OR4M1: variants seen among roughly 807,000 people sequenced by gnomAD.
The protein encoded by OR4M1 is olfactory receptor 4M1.
In OR4M1, 7 loss-of-function variants were observed where a neutral mutation model predicts 9.8. That is an observed-to-expected ratio of 0.71 (90% CI 0.41 to 1.34). OR4M1 has a LOEUF of 1.34. OR4M1 is among the 40% of genes most tolerant of loss of function. The pLI is 0.01. For missense variants in OR4M1, 331 were observed against 380.4 expected (o/e 0.87, Z 1.08); for synonymous variants, 121 against 139.8 (o/e 0.87, Z 0.95).
rs1878446868 is a variant in OR4M1, at chr14:19,780,541, C to T, written c.219C>T (p.Tyr73=). 6.2e-7 allele frequency: 1 copy of T among 1,614,222 alleles called. No homozygotes were observed. The highest frequency in any genetic ancestry group is 8.5e-7 in the Non-Finnish European group (1 of 1,180,016). The part of the protein sequence containing the change: ...LANLALLDIW[Y]SSITAPKMLI... ...ATCTGGCCCTCCTTGATATTTGGTACTCTTCCATTACAGCCCCTAAAATGC... is the reference window on the plus strand; with the variant it reads ...ATCTGGCCCTCCTTGATATTTGGTATTCTTCCATTACAGCCCCTAAAATGC... The change falls in exon 2 of 2, where the codon TAC becomes TAT. Residue 73 remains tyrosine (Y), a synonymous_variant. Transcript: ENST00000641200.
chr14:19,776,174 T>G (rs1432972203), intron 1 of OR4M1, among the ~76,000 whole-genome samples: 4 of 152,236 alleles, frequency 2.6e-5, no homozygotes, highest in Non-Finnish European at 4.4e-5. Context: ...TCACTGTTTC[T>G]CCCTATTGCT....
chr14:19,780,851 T>C lies in OR4M1; in HGVS notation c.529T>C (p.Tyr177His). The C allele has an allele frequency of 6.2e-7, 1 of 1,614,242 alleles. No individual in the cohort carries two copies. The highest frequency in any genetic ancestry group is 8.5e-7 in the Non-Finnish European group (1 of 1,180,042). Residue 177 changes from tyrosine to histidine, a missense_variant, in exon 2 of 2, where the codon TAC (tyrosine) becomes CAC (histidine). Tyr to His is a moderately conservative substitution (Grantham distance 83, BLOSUM62 2). Transcript: ENST00000641200. ...CTGTGGGCCCAATGAGTTAGACAGT[T>C]ACTTCTGTGACATCACACAGGTTGT... ...PFCGPNELDS[Y>H]FCDITQVVRI...
intron 1 of OR4M1, among the ~76,000 whole-genome samples, chr14:19,779,491 A>C (rs1324175557): frequency 1.3e-5 from 2 of 152,200 alleles, no homozygotes; most frequent in African/African-American, 4.8e-5. Context: ...CAGTAAGCAA[A>C]ATTTTAAAAA....
chr14:19,780,262 T>C (rs769033032), intron 1 of OR4M1, 32 bp from the exon 2 acceptor site: 59 of 1,488,224 alleles, frequency 4.0e-5, no homozygotes, highest in African/African-American at 1.4e-4. Flanking sequence ...AAATGCTATG[T>C]GGACTAATTA....
In OR4M1 at chr14:19,777,634, A is replaced by G. The variant is rs192475994; in HGVS notation, c.-29-2660A>G. On this transcript the variant is annotated intron_variant, in intron 1 of 1. Transcript: ENST00000641200. ...TGTGTCTCAGCAGGTAGCATATAGTAGATACTCTCTAAATGTTTGTGGGAT... is the reference window on the plus strand; with the variant it reads ...TGTGTCTCAGCAGGTAGCATATAGTGGATACTCTCTAAATGTTTGTGGGAT... Among the ~76,000 whole-genome samples the G allele has an allele frequency of 4.5e-4, 68 of 152,286 alleles. No individual in the cohort carries two copies. The East Asian group carries it at 0.011, about 25-fold the overall frequency.
At chr14:19,774,752 A>G (rs1878260610) in intron 1 of OR4M1, among the ~76,000 whole-genome samples, 1 of 152,248 alleles carries the variant, frequency 6.6e-6, no homozygotes, top group African/African-American at 2.4e-5. Context: ...GGACCATTAT[A>G]TGCATTAATC....
At position 19,782,240 on chromosome 14, in the gene OR4M1, C is replaced by A. The variant is rs1425546299; in HGVS notation, c.*976C>A. The A allele has an allele frequency of 6.6e-6, 1 of 152,244 alleles. No homozygotes were observed. The highest frequency in any genetic ancestry group is 1.9e-4 in the East Asian group (1 of 5,204). The allele number at this position is 152,244 out of a possible 1,614,324, so 9.4% of individuals were successfully genotyped here. ...ACCTGGATGTGTTGGTTCCCATGATCCCTTAGAGAATTATTAGGGACTGAT... is the reference window on the plus strand; with the variant it reads ...ACCTGGATGTGTTGGTTCCCATGATACCTTAGAGAATTATTAGGGACTGAT... On this transcript the variant is annotated 3_prime_UTR_variant, in exon 2 of 2. Coordinates refer to ENST00000641200, the MANE Select transcript of OR4M1 (RefSeq NM_001005500.2).
Position 19,782,547 on chromosome 14 carries a change from A to T in OR4M1, c.*1283A>T, listed in dbSNP as rs1377671620. ...AAAAATAAATCGTATAACTATTCCT[A>T]GAGTTACTATTTATTTACAGAGATT... On this transcript the variant is annotated 3_prime_UTR_variant, in exon 2 of 2. Coordinates refer to ENST00000641200, the MANE Select transcript of OR4M1 (RefSeq NM_001005500.2). 1 of 152,240 alleles carries T rather than the reference A, an allele frequency of 6.6e-6. No individual in the cohort carries two copies. The allele number at this position is 152,240 out of a possible 1,614,324, so 9.4% of individuals were successfully genotyped here. A position where few individuals can be genotyped will look rare whatever the true frequency, so the allele number is the denominator to read the frequency against.
In OR4M1 at chr14:19,781,796, G is replaced by T. The variant is rs1178553875; in HGVS notation, c.*532G>T. ...CTTATTTCCAGAGTTGATGGAAAAT[G>T]AGGATTCATTTATAGAAGGTATTTC... On this transcript the variant is annotated 3_prime_UTR_variant, in exon 2 of 2. Coordinates refer to ENST00000641200, the MANE Select transcript of OR4M1 (RefSeq NM_001005500.2). The T allele has an allele frequency of 1.9e-5, 3 of 155,546 alleles. No homozygotes were observed. The highest frequency in any genetic ancestry group is 7.2e-5 in the African/African-American group (3 of 41,494). The allele number at this position is 155,546 out of a possible 1,614,324, so 9.6% of individuals were successfully genotyped here. A position where few individuals can be genotyped will look rare whatever the true frequency, so the allele number is the denominator to read the frequency against.
chr14:19,776,837 G>C (rs1349428263), intron 1 of OR4M1, among the ~76,000 whole-genome samples: 1 of 151,904 alleles, frequency 6.6e-6, no homozygotes, highest in Non-Finnish European at 1.5e-5. Flanking sequence ...ACAGAAGATA[G>C]GAAAACAATA....
chr14:19,775,244 T>G (rs1361489319), intron 1 of OR4M1, among the ~76,000 whole-genome samples: 2 of 152,254 alleles, frequency 1.3e-5, no homozygotes, highest in African/African-American at 4.8e-5. Flanking sequence ...CAATTGTGCA[T>G]GTGCACGGTT....
Position 19,780,801 on chromosome 14 carries a change from T to G in OR4M1, c.479T>G (p.Val160Gly). 6.2e-7 allele frequency: 1 copy of G among 1,614,232 alleles called. No homozygotes were observed. Among genetic ancestry groups the G allele is most frequent in the Non-Finnish European group, 8.5e-7 (1 of 1,180,036 alleles). Residue 160 changes from valine (V) to glycine (G), a missense_variant, in exon 2 of 2, where the codon GTG becomes GGG. This residue lies in a region of OR4M1 where 209 missense variants were observed against 200.0 expected (regional missense o/e 1.04). Transcript: ENST00000641200. ...MGGFIHSIIQ[V>G]ALIVRLPFCG... ...GGCTTCATTCATTCTATAATACAGG[T>G]GGCTCTCATTGTTCGACTTCCTTTC...
At position 19,783,548 on chromosome 14, in the gene OR4M1, T is replaced by G. The variant is rs1177029010; in HGVS notation, c.*2284T>G. On this transcript the variant is annotated 3_prime_UTR_variant, in exon 2 of 2. Coordinates refer to ENST00000641200, the MANE Select transcript of OR4M1 (RefSeq NM_001005500.2). ...TATGCAATGTTGTGTCATTGAATAT[T>G]GTTTCCAAATAGCTCAGTATCCTCA... 1 of 152,306 alleles carries G rather than the reference T, an allele frequency of 6.6e-6. No individual in the cohort carries two copies. The highest frequency in any genetic ancestry group is 1.9e-4 in the East Asian group (1 of 5,198). The allele number at this position is 152,306 out of a possible 1,614,324, so 9.4% of individuals were successfully genotyped here.
In OR4M1 at chr14:19,782,186, C is replaced by T. The variant is rs1878520387; in HGVS notation, c.*922C>T. 6.6e-6 allele frequency: 1 copy of T among 152,242 alleles called. No homozygotes were observed. The highest frequency in any genetic ancestry group is 1.5e-5 in the Non-Finnish European group (1 of 68,060). 9.4% of individuals were successfully genotyped at this position (152,242 alleles called of 1,614,324 possible). ...TGGTTAGGTGCTGTTTTTGTTAGCG[C>T]TTAATTCAGAGTTATTTCCCATTGA... On this transcript the variant is annotated 3_prime_UTR_variant, in exon 2 of 2. Transcript: ENST00000641200.
intron 1 of OR4M1, among the ~76,000 whole-genome samples, chr14:19,777,540 T>G (rs1295947564): frequency 1.3e-5 from 2 of 152,188 alleles, no homozygotes; most frequent in Non-Finnish European, 2.9e-5. Context: ...GCTTGTTTAC[T>G]TATTTATTGT....
intron 1 of OR4M1, among the ~76,000 whole-genome samples, chr14:19,774,816 C>A (rs187226730): frequency 6.6e-6 from 1 of 152,296 alleles, no homozygotes; most frequent in African/African-American, 2.4e-5. Context: ...ACTGATGAGG[C>A]ACATTGAGGC....
Position 19,782,695 on chromosome 14 carries a change from G to A in OR4M1, c.*1431G>A, listed in dbSNP as rs1327022785. The A allele has an allele frequency of 2.0e-5, 3 of 152,160 alleles. No individual in the cohort carries two copies. The highest frequency in any genetic ancestry group is 4.8e-5 in the African/African-American group (2 of 41,436). 9.4% of individuals were successfully genotyped at this position (152,160 alleles called of 1,614,324 possible). ...ATTTTTCCTTATGGTGACCTTCTTC[G>A]ATCTTCAATGCTACGTTACTTCTCT... On this transcript the variant is annotated 3_prime_UTR_variant, in exon 2 of 2. Coordinates refer to ENST00000641200, the MANE Select transcript of OR4M1 (RefSeq NM_001005500.2).
In OR4M1 at chr14:19,781,180, C is replaced by T. The variant is rs766051311; in HGVS notation, c.858C>T (p.Pro286=). 1.2e-6 allele frequency: 2 copies of T among 1,614,176 alleles called. No individual in the cohort carries two copies. Among genetic ancestry groups the T allele is most frequent in the South Asian group, 1.1e-5 (1 of 91,078 alleles). ...FHTVIFPLLN[P]IIYTLRNKEV... Reference sequence around the variant, plus strand: ...CTGTAATATTCCCTTTACTTAATCCCATTATTTACACATTGAGAAACAAGG... The same window carrying T: ...CTGTAATATTCCCTTTACTTAATCCTATTATTTACACATTGAGAAACAAGG... Residue 286 remains proline (P), a synonymous_variant, in exon 2 of 2, where the codon CCC becomes CCT. Coordinates refer to ENST00000641200, the MANE Select transcript of OR4M1 (RefSeq NM_001005500.2).
chr14:19,774,768 A>C (rs1878260941), intron 1 of OR4M1, among the ~76,000 whole-genome samples: 1 of 152,292 alleles, frequency 6.6e-6, no homozygotes, highest in East Asian at 1.9e-4. Flanking sequence ...TAATCACTAC[A>C]ATACCTATGA....
Sources: allele counts gnomAD v4.1 joint callset (sites outside exome capture counted in the v4.1 genomes callset), GRCh38; gene constraint gnomAD v4.1.1; regional missense constraint gnomAD v4.1.1; transcripts MANE v1.5; gene names NCBI Gene and HGNC (gene_info 2026-07-23, HGNC 2026-07-21).